The following CHST8 variants were observed in gnomAD, a reference collection of about 807,000 sequenced individuals.
CHST8 encodes the protein GALNAC-4-ST1.
A neutral mutation model predicts 15.0 loss-of-function variants in CHST8; 10 were observed. The ratio of observed to expected loss-of-function variants is 0.67; its 90% CI spans 0.41 to 1.13. The LOEUF (loss-of-function observed/expected upper bound fraction) is 1.13. Among genes scored for constraint, CHST8 ranks in the 50% most tolerant of loss-of-function variants. The pLI is 0.00. For synonymous variants in CHST8, 259 were observed against 256.6 expected (o/e 1.01, Z -0.09); for missense variants, 634 against 608.2 (o/e 1.04, Z -0.45).
At chr19:33,688,409 G>A (rs1051227596) in intron 2 of CHST8, among the ~76,000 whole-genome samples, 3 of 152,162 alleles carry the variant, frequency 2.0e-5, no homozygotes, top group Non-Finnish European at 4.4e-5. Flanking sequence ...ACACGAGGGG[G>A]TGTTAGTACC....
At chr19:33,730,842 A>G (rs1341468344) in intron 3 of CHST8, among the ~76,000 whole-genome samples, 1 of 152,228 alleles carries the variant, frequency 6.6e-6, no homozygotes, top group Non-Finnish European at 1.5e-5. Flanking sequence ...CCTTCAGTCT[A>G]TGGCTGAAGG....
chr19:33,663,567 A>G (rs562508989), intron 1 of CHST8, among the ~76,000 whole-genome samples: 30 of 152,266 alleles, frequency 2.0e-4, no homozygotes, highest in African/African-American at 7.0e-4. Flanking sequence ...CTGTCCCCCA[A>G]AAAGGTTTAA....
chr19:33,635,463 C>T (rs3848605), intron 1 of CHST8, among the ~76,000 whole-genome samples: 96,581 of 151,888 alleles, frequency 0.64, 31,822 homozygotes, highest in African/African-American at 0.82. Context: ...GGCAAGGGAT[C>T]CTAGCTGGGA....
At position 33,772,657 on chromosome 19, in the gene CHST8, G is replaced by C. The variant is rs777824048; in HGVS notation, c.869G>C (p.Arg290Pro). The change falls in exon 5 of 5, where the codon CGG becomes CCG. Residue 290 changes from arginine (R) to proline (P), a missense_variant. By Grantham distance (103) the Arg-to-Pro change is moderately radical (BLOSUM62 -2). Transcript: ENST00000650847. ...HPVFGKAILA[R>P]YRANASREAL... ...GTCTTCGGCAAGGCCATCCTGGCCC[G>C]GTACCGCGCCAATGCCTCTCGGGAG... is the stretch of plus-strand genomic sequence containing the variant. 2.5e-6 allele frequency: 4 copies of C among 1,613,914 alleles called. No homozygotes were observed. Among genetic ancestry groups the C allele is most frequent in the Non-Finnish European group, 3.4e-6 (4 of 1,180,046 alleles).
intron 2 of CHST8, among the ~76,000 whole-genome samples, chr19:33,677,543 C>T (rs1972825940): frequency 6.6e-6 from 1 of 152,200 alleles, no homozygotes; most frequent in African/African-American, 2.4e-5. Context: ...CAGCCCATTC[C>T]ACCAGACCCA....
At chr19:33,730,157 T>C (rs531930208) in intron 3 of CHST8, among the ~76,000 whole-genome samples, 4 of 152,248 alleles carry the variant, frequency 2.6e-5, no homozygotes, top group Non-Finnish European at 4.4e-5. Context: ...TGCAGCCTGA[T>C]TGATGCTTAA....
chr19:33,760,969 G>A (rs1486787127), intron 3 of CHST8, among the ~76,000 whole-genome samples: 4 of 152,174 alleles, frequency 2.6e-5, no homozygotes, highest in Non-Finnish European at 5.9e-5. Context: ...CCGTATAGGT[G>A]CTCCATCAAT....
chr19:33,763,423 C>T lies in CHST8; in HGVS notation c.131-7990C>T, dbSNP rs925876365. Among the ~76,000 whole-genome samples, 92 of 152,338 alleles carry T rather than the reference C, an allele frequency of 6.0e-4. 1 individual carries two copies. Among genetic ancestry groups the T allele is most frequent in the African/African-American group, 2.0e-3 (85 of 41,572 alleles). On this transcript the variant is annotated intron_variant, in intron 3 of 4. Transcript: ENST00000650847. The stretch of plus-strand genomic sequence containing the variant: ...GTGTCTGGCCTGACTGCTGCCTCCC[C>T]TCGAAGTCCACACTCTGACCACAGA...
chr19:33,715,155 T>C (rs1204513179), intron 3 of CHST8, among the ~76,000 whole-genome samples: 2 of 152,216 alleles, frequency 1.3e-5, no homozygotes. Context: ...CCAAGTCACT[T>C]TCTCACCCTG....
chr19:33,696,460 C>T (rs1275852369), intron 3 of CHST8, among the ~76,000 whole-genome samples: 1 of 152,050 alleles, frequency 6.6e-6, no homozygotes, highest in African/African-American at 2.4e-5. Flanking sequence ...TTGTGAACTG[C>T]ATATACAAGG....
At chr19:33,754,258 G>C (rs1287834742) in intron 3 of CHST8, among the ~76,000 whole-genome samples, 1 of 150,034 alleles carries the variant, frequency 6.7e-6, no homozygotes, top group Non-Finnish European at 1.5e-5. Context: ...AGTGTGCTAT[G>C]AGCTGGGCCT....
chr19:33,756,991 A>G (rs1427269701), intron 3 of CHST8, among the ~76,000 whole-genome samples: 1 of 152,160 alleles, frequency 6.6e-6, no homozygotes, highest in African/African-American at 2.4e-5. Context: ...GCAGTGGAAG[A>G]CAGGCTGTCT....
At chr19:33,653,595 T>C (rs367983777) in intron 1 of CHST8, among the ~76,000 whole-genome samples, 3 of 152,320 alleles carry the variant, frequency 2.0e-5, no homozygotes, top group African/African-American at 7.2e-5. Context: ...GCAAGTCACA[T>C]GTATGAAGGA....
chr19:33,687,073 G>A (rs145893377), intron 2 of CHST8, among the ~76,000 whole-genome samples: 24 of 152,344 alleles, frequency 1.6e-4, no homozygotes, highest in Non-Finnish European at 3.1e-4. Context: ...TCCCCCGAGT[G>A]AGGCTGGAGA....
At chr19:33,627,657 C>T (rs992388113) in intron 1 of CHST8, among the ~76,000 whole-genome samples, 1 of 152,136 alleles carries the variant, frequency 6.6e-6, no homozygotes, top group African/African-American at 2.4e-5. Flanking sequence ...CAGTGTTGGC[C>T]CTGATGAGTG....
At chr19:33,680,398 C>T (rs1198215802) in intron 2 of CHST8, among the ~76,000 whole-genome samples, 1 of 152,186 alleles carries the variant, frequency 6.6e-6, no homozygotes, top group Non-Finnish European at 1.5e-5. Flanking sequence ...GCAAGTGGCC[C>T]TGAAAATCTG....
In CHST8 at chr19:33,660,440, G is replaced by A. The variant is rs559338331; in HGVS notation, c.-163-7327G>A. 3.3e-5 allele frequency among the ~76,000 whole-genome samples: 5 copies of A among 152,254 alleles called. No individual in the cohort carries two copies. In the South Asian group the frequency reaches 1.0e-3, roughly 32 times the overall value. ...GGTGGTGCTCATGAGGTAGGAGATG[G>A]GCAGGACTCGTTTCTGGTCACAACC... On this transcript the variant is annotated intron_variant, in intron 1 of 4. Coordinates refer to ENST00000650847, the MANE Select transcript of CHST8 (RefSeq NM_001127895.2).
At chr19:33,755,200 T>C (rs1386788047) in intron 3 of CHST8, among the ~76,000 whole-genome samples, 1 of 151,502 alleles carries the variant, frequency 6.6e-6, no homozygotes, top group South Asian at 2.1e-4. Flanking sequence ...ACTGGAAACC[T>C]TCTGATGCCC....
At chr19:33,682,184 GTTGTTTTTTT>G (rs1424912706) in intron 2 of CHST8, among the ~76,000 whole-genome samples, 99 of 121,916 alleles carry the variant, frequency 8.1e-4, no homozygotes, top group Middle Eastern at 4.7e-3. Flanking sequence ...GGTTTTTGTT[GTTGTTTTTTT>G]TTTTTTTTTT....
Sources: gnomAD v4.1 joint callset for allele counts (sites outside exome capture counted in the v4.1 genomes callset) on GRCh38, gnomAD v4.1.1 for gene constraint, MANE v1.5 for transcripts, NCBI Gene and HGNC (gene_info 2026-07-23, HGNC 2026-07-21) for gene names.